The following ZNF248 variants were observed in gnomAD, a reference collection of about 807,000 sequenced individuals.
ZNF248 encodes KRAB protein domain.
In ZNF248, 20 loss-of-function variants were observed where a neutral mutation model predicts 44.3. The ratio of observed to expected loss-of-function variants is 0.45; its 90% CI spans 0.32 to 0.66. The LOEUF (loss-of-function observed/expected upper bound fraction) is 0.66, where lower values mean the gene tolerates loss of function less well. ZNF248 is among the 30% of genes least tolerant of loss of function. ZNF248 has a pLI of 0.04. For missense variants in ZNF248, 654 were observed against 677.0 expected (o/e 0.97, Z 0.38); for synonymous variants, 224 against 229.0 (o/e 0.98, Z 0.20).
At chr10:37,780,424 CCT>C (rs978584752) in intron 6 of ZNF248, among the ~76,000 whole-genome samples, 24 of 152,154 alleles carry the variant, frequency 1.6e-4, no homozygotes, top group African/African-American at 5.8e-4. Flanking sequence ...GAAAGGATTC[CCT>C]GTTTAATAAA....
In ZNF248 at chr10:37,829,223, C is replaced by G; in HGVS notation, c.*2392G>C. ...TGGCCCCTCCTTCATGACAGCAGTT[C>G]TTACTGGGCTCTGGTAACACTGTTT... is the stretch of plus-strand genomic sequence containing the variant. On this transcript the variant is annotated 3_prime_UTR_variant, in exon 6 of 6. Coordinates refer to ENST00000395867, the MANE Select transcript of ZNF248 (RefSeq NM_021045.3). The G allele has an allele frequency of 7.3e-5, 72 of 985,460 alleles. No homozygotes were observed. The highest frequency in any genetic ancestry group is 8.6e-5 in the Non-Finnish European group (71 of 829,974). 61.0% of individuals were successfully genotyped at this position (985,460 alleles called of 1,614,324 possible). A position where few individuals can be genotyped will look rare whatever the true frequency, so the allele number is the denominator to read the frequency against.
the ZNF248 span, among the ~76,000 whole-genome samples, chr10:37,763,759 G>T: frequency 6.6e-6 from 1 of 152,318 alleles, no homozygotes; most frequent in East Asian, 1.9e-4. Context: ...AACATAAATT[G>T]TGAAGATTCC....
Position 37,838,166 on chromosome 10 carries a change from A to G in ZNF248, c.16-55T>C. On this transcript the variant is annotated intron_variant, in intron 3 of 5. Transcript: ENST00000395867. ...TGGTCAGAACTAGATGATACAGAAAAGATTTAAGAGAACTAATCTCTTTAG... is the reference window on the plus strand; with the variant it reads ...TGGTCAGAACTAGATGATACAGAAAGGATTTAAGAGAACTAATCTCTTTAG... The G allele has an allele frequency of 2.6e-6, 4 of 1,524,450 alleles. No homozygotes were observed. The South Asian group carries it at 4.9e-5, about 19-fold the overall frequency. The allele number at this position is 1,524,450 out of a possible 1,614,324, so 94.4% of individuals were successfully genotyped here.
intron 3 of ZNF248, among the ~76,000 whole-genome samples, chr10:37,845,945 G>A (rs1408808256): frequency 6.6e-6 from 1 of 152,162 alleles, no homozygotes; most frequent in Non-Finnish European, 1.5e-5. Flanking sequence ...GAACATGCAC[G>A]CACTGCTGCT....
the ZNF248 span, among the ~76,000 whole-genome samples, chr10:37,760,707 G>C: frequency 9.2e-5 from 14 of 152,070 alleles, no homozygotes; most frequent in Non-Finnish European, 1.5e-4. Context: ...GGTGGTGCAT[G>C]CCTGTAATCC....
chr10:37,843,215 T>C (rs2058667361), intron 3 of ZNF248, among the ~76,000 whole-genome samples: 1 of 150,916 alleles, frequency 6.6e-6, no homozygotes, highest in South Asian at 2.1e-4. Context: ...GGTCAAGAGG[T>C]CAAGACCATT....
chr10:37,780,313 C>G (rs909263229), intron 6 of ZNF248, among the ~76,000 whole-genome samples: 6 of 152,128 alleles, frequency 3.9e-5, no homozygotes, highest in Non-Finnish European at 7.4e-5. Flanking sequence ...GGTACTAAAA[C>G]AGAGATATAA....
chr10:37,854,654 G>C (rs1249982051), intron 3 of ZNF248, among the ~76,000 whole-genome samples: 1 of 152,144 alleles, frequency 6.6e-6, no homozygotes, highest in East Asian at 1.9e-4. Context: ...CTCTAGGACA[G>C]GCATTCCCAC....
chr10:37,808,044 G>A (rs911674458), intron 6 of ZNF248, among the ~76,000 whole-genome samples: 4 of 151,950 alleles, frequency 2.6e-5, no homozygotes, highest in Admixed American at 1.3e-4. Context: ...TATCACATGT[G>A]CATAGCTCAT....
At chr10:37,790,929 A>C (rs1308336206) in intron 6 of ZNF248, among the ~76,000 whole-genome samples, 1 of 148,466 alleles carries the variant, frequency 6.7e-6, no homozygotes, top group Non-Finnish European at 1.5e-5. Flanking sequence ...TCTTAAAAAA[A>C]AAAAAAAAAG....
the ZNF248 span, among the ~76,000 whole-genome samples, chr10:37,767,452 G>T: frequency 6.6e-6 from 1 of 152,152 alleles, no homozygotes; most frequent in South Asian, 2.1e-4. Context: ...AAGCCAGAAG[G>T]GAGTGGGGGC....
chr10:37,834,109 A>T (rs1161637921), intron 5 of ZNF248, among the ~76,000 whole-genome samples: 1 of 151,998 alleles, frequency 6.6e-6, no homozygotes, highest in African/African-American at 2.4e-5. Context: ...GATCCTGGAT[A>T]TCCCTCAGTG....
At chr10:37,760,359 T>C in the ZNF248 span, among the ~76,000 whole-genome samples, 1 of 152,032 alleles carries the variant, frequency 6.6e-6, no homozygotes, top group Non-Finnish European at 1.5e-5. Context: ...GCCTACTGAG[T>C]AGCCAGGTCT....
intron 6 of ZNF248, among the ~76,000 whole-genome samples, chr10:37,822,754 A>G (rs909904332): frequency 2.0e-5 from 3 of 152,168 alleles, no homozygotes; most frequent in South Asian, 2.1e-4. Flanking sequence ...GATGAGCTAA[A>G]AAAAGTAAAA....
rs147367332 is a variant in ZNF248, at chr10:37,821,159, T to C, written c.330+11866A>G. On this transcript the variant is annotated intron_variant, in intron 6 of 6. Transcript: ENST00000615949. ...TATTGCCCCACTAGAAAATAAGTTC[T>C]ATAAAAGCACAGAGTTTTGTCTGTT... Among the ~76,000 whole-genome samples the C allele has an allele frequency of 2.9e-3, 435 of 152,206 alleles. 2 individuals are homozygous for C. Among genetic ancestry groups the C allele is most frequent in the African/African-American group, 9.9e-3 (410 of 41,446 alleles).
chr10:37,843,432 A>G (rs1034226642), intron 3 of ZNF248, among the ~76,000 whole-genome samples: 2 of 151,596 alleles, frequency 1.3e-5, no homozygotes, highest in Admixed American at 6.6e-5. Context: ...TCAAAAAAAA[A>G]AAAAAAAGAA....
the ZNF248 span, among the ~76,000 whole-genome samples, chr10:37,762,979 G>C: frequency 6.6e-6 from 1 of 151,982 alleles, no homozygotes; most frequent in Non-Finnish European, 1.5e-5. Flanking sequence ...AAACACTGTT[G>C]GGCTTCTTTA....
rs113797725 is a variant in ZNF248, at chr10:37,818,912, AGATCACACCCACC to A, written c.330+14100_330+14112del. 78 of 1,092,190 alleles carry A rather than the reference AGATCACACCCACC, an allele frequency of 7.1e-5. No individual in the cohort carries two copies. In the African/African-American group the frequency reaches 7.9e-4, roughly 11 times the overall value. The allele number at this position is 1,092,190 out of a possible 1,614,324, so 67.7% of individuals were successfully genotyped here. A position where few individuals can be genotyped will look rare whatever the true frequency, so the allele number is the denominator to read the frequency against. On this transcript the variant is annotated intron_variant, in intron 6 of 6. Coordinates refer to the ZNF248 transcript ENST00000615949. ...TTCCCTCCAGAAAGACACTGATAGAAGATCACACCCACCGACCACACAACAATTTTATTTGAGA... is the reference window on the plus strand; with the variant it reads ...TTCCCTCCAGAAAGACACTGATAGAAGACCACACAACAATTTTATTTGAGA...
rs2057592672 is a variant in ZNF248 at position 37,838,091 on chromosome 10, A to G, written c.36T>C (p.Asp12=). The change falls in exon 4 of 6, where the codon GAT becomes GAC. Residue 12 remains aspartate (D), a synonymous_variant. Transcript: ENST00000395867. ...CTTCCTGAGTGAAGTCCACACATAC[A>G]TCCTTGAATGACACTTGTTCCTGTA... The part of the protein sequence containing the change: ...NKSQEQVSFK[D]VCVDFTQEEW... The G allele has an allele frequency of 6.2e-7, 1 of 1,612,994 alleles. No individual in the cohort carries two copies. Among genetic ancestry groups the G allele is most frequent in the Non-Finnish European group, 8.5e-7 (1 of 1,179,328 alleles).
Sources: gnomAD v4.1 joint callset for allele counts (sites outside exome capture counted in the v4.1 genomes callset) on GRCh38, gnomAD v4.1.1 for gene constraint, MANE v1.5 for transcripts, NCBI Gene and HGNC (gene_info 2026-07-23, HGNC 2026-07-21) for gene names.